Variants in SMARCC1 observed in about 807,000 individuals in gnomAD.
SMARCC1 encodes the protein SWI/SNF related BAF chromatin remodeling complex subunit C1, also known as SWI/SNF complex subunit SMARCC1.
In SMARCC1, 43 loss-of-function variants were observed where a neutral mutation model predicts 147.4. The ratio of observed to expected loss-of-function variants is 0.29; its 90% CI spans 0.23 to 0.38. SMARCC1 has a LOEUF of 0.38. Among genes scored for constraint, SMARCC1 ranks in the 10% least tolerant of loss-of-function variants. The pLI, the probability that SMARCC1 is intolerant of heterozygous loss-of-function variation, is 1.00. For synonymous variants in SMARCC1, 495 were observed against 484.4 expected (o/e 1.02, Z -0.29); for missense variants, 1,119 against 1,381.1 (o/e 0.81, Z 3.01).
chr3:47,604,842 G>A (rs1380504423), intron 26 of SMARCC1, among the ~76,000 whole-genome samples: 4 of 152,112 alleles, frequency 2.6e-5, no homozygotes, highest in Middle Eastern at 3.4e-3. Context: ...GGAATTACAG[G>A]TGTGTGCCAC....
chr3:47,701,402 G>A lies in SMARCC1; in HGVS notation c.1041C>T (p.Gly347=), dbSNP rs1411693231. Residue 347 remains glycine, a splice_region_variant and synonymous_variant, in exon 11 of 28, where the codon GGC becomes GGT. Coordinates refer to ENST00000254480, the MANE Select transcript of SMARCC1 (RefSeq NM_003074.4). ...TESRKKSGKK[G]QASLYGKRRS... ...TGCGCTTCCCATAAAGGCTAGCTTG[G>A]CTAAAACATACAAGTATATGAAATA... 6.2e-7 allele frequency: 1 copy of A among 1,613,216 alleles called. No individual in the cohort carries two copies. The highest frequency in any genetic ancestry group is 8.5e-7 in the Non-Finnish European group (1 of 1,179,426).
chr3:47,593,651 T>A (rs532929712), intron 26 of SMARCC1, among the ~76,000 whole-genome samples: 1 of 152,238 alleles, frequency 6.6e-6, no homozygotes, highest in Non-Finnish European at 1.5e-5. Context: ...CTTGAAAAAT[T>A]TGGAGATTGG....
At chr3:47,631,063 AAAGC>A (rs926399027) in intron 24 of SMARCC1, among the ~76,000 whole-genome samples, 4 of 152,044 alleles carry the variant, frequency 2.6e-5, no homozygotes, top group African/African-American at 9.7e-5. Context: ...AGACCCTGAC[AAAGC>A]AAGCAAGCAA....
chr3:47,730,254 G>C lies in SMARCC1; in HGVS notation c.577-1160C>G, dbSNP rs190288390. Among the ~76,000 whole-genome samples the C allele has an allele frequency of 3.9e-5, 6 of 152,278 alleles. No individual in the cohort carries two copies. In the East Asian group the frequency reaches 1.2e-3, roughly 29 times the overall value. On this transcript the variant is annotated intron_variant, in intron 5 of 27. Transcript: ENST00000254480. ...TGTAATCCCAGCACTTTGGAAGGCT[G>C]AAGTGAAAGGATCACTTGAGCCTAG...
chr3:47,746,069 A>G (rs1460246395), intron 2 of SMARCC1, 76 bp from the exon 3 acceptor site: 1 of 866,182 alleles, frequency 1.2e-6, no homozygotes, highest in African/African-American at 1.7e-5. Context: ...TCTAAGTTTT[A>G]TAAATTCAAA....
chr3:47,593,879 A>G (rs2032225629), intron 26 of SMARCC1, among the ~76,000 whole-genome samples: 1 of 152,076 alleles, frequency 6.6e-6, no homozygotes, highest in Non-Finnish European at 1.5e-5. Flanking sequence ...AATTAGGAAT[A>G]AGGGGCTGGG....
At chr3:47,624,183 C>G (rs940334878) in intron 24 of SMARCC1, among the ~76,000 whole-genome samples, 2 of 151,872 alleles carry the variant, frequency 1.3e-5, no homozygotes, top group South Asian at 4.2e-4. Flanking sequence ...CCCAGCTACT[C>G]GGGAGGCTGA....
intron 1 of SMARCC1, among the ~76,000 whole-genome samples, chr3:47,773,398 TCTC>T (rs1045139773): frequency 6.9e-6 from 1 of 145,012 alleles, no homozygotes; most frequent in Non-Finnish European, 1.5e-5. Flanking sequence ...CAAAGATAAA[TCTC>T]CTGTGTTTTT....
At chr3:47,743,535 C>T (rs1383362369) in intron 3 of SMARCC1, among the ~76,000 whole-genome samples, 4 of 151,894 alleles carry the variant, frequency 2.6e-5, no homozygotes, top group African/African-American at 4.8e-5. Context: ...TCACTGTGGC[C>T]GGGCATGGTG....
At chr3:47,700,736 G>A (rs2033907779) in intron 11 of SMARCC1, among the ~76,000 whole-genome samples, 2 of 152,140 alleles carry the variant, frequency 1.3e-5, no homozygotes. Context: ...CATTGGCCAG[G>A]CTGGTCTTGA....
chr3:47,663,668 C>T (rs559657866), intron 19 of SMARCC1: 2 of 1,504,634 alleles, frequency 1.3e-6, no homozygotes, highest in East Asian at 4.5e-5. Flanking sequence ...ATCGAAGCCC[C>T]CAGTCATTGA....
intron 21 of SMARCC1, among the ~76,000 whole-genome samples, chr3:47,652,224 C>T (rs927036848): frequency 1.3e-5 from 2 of 152,118 alleles, no homozygotes; most frequent in Admixed American, 6.5e-5. Flanking sequence ...AATTCTCCTG[C>T]CTGCCAAAAT....
intron 26 of SMARCC1, among the ~76,000 whole-genome samples, chr3:47,596,374 C>A (rs2032282207): frequency 6.6e-6 from 1 of 152,012 alleles, no homozygotes; most frequent in South Asian, 2.1e-4. Context: ...TCAAGACCAG[C>A]CCGGCCAAGA....
intron 7 of SMARCC1, among the ~76,000 whole-genome samples, chr3:47,718,372 G>A (rs1282812247): frequency 1.3e-5 from 2 of 151,670 alleles, no homozygotes; most frequent in Non-Finnish European, 2.9e-5. Flanking sequence ...TAGAACCAGG[G>A]AGGCGGAGCT....
chr3:47,686,061 A>T lies in SMARCC1; in HGVS notation c.1373T>A (p.Phe458Tyr). Reference sequence around the variant, plus strand: ...GTGGTCCACTCACCAGTTATAATCAAACCATGATGCATAACTAGGAATAAT... The same window carrying T: ...GTGGTCCACTCACCAGTTATAATCATACCATGATGCATAACTAGGAATAAT... Reference protein sequence around the residue: ...HIIIPSYASWFDYNCIHVIER... With the variant: ...HIIIPSYASWYDYNCIHVIER... The change falls in exon 14 of 28, where the codon TTT becomes TAT. Residue 458 changes from phenylalanine to tyrosine, a missense_variant. Phe to Tyr is a conservative substitution (Grantham distance 22). Coordinates refer to ENST00000254480, the MANE Select transcript of SMARCC1 (RefSeq NM_003074.4). 1 of 1,613,324 alleles carries T rather than the reference A, an allele frequency of 6.2e-7. No individual in the cohort carries two copies. The highest frequency in any genetic ancestry group is 8.5e-7 in the Non-Finnish European group (1 of 1,179,390).
At chr3:47,751,840 T>C (rs920066236) in intron 2 of SMARCC1, among the ~76,000 whole-genome samples, 1 of 151,928 alleles carries the variant, frequency 6.6e-6, no homozygotes, top group African/African-American at 2.4e-5. Flanking sequence ...TCCTAGCACT[T>C]TGGGAGGCAG....
chr3:47,716,415 C>CACA (rs2034156781), intron 7 of SMARCC1, among the ~76,000 whole-genome samples: 1 of 51,946 alleles, frequency 1.9e-5, no homozygotes. Flanking sequence ...GACTCCATCT[C>CACA]AAAAAAAAAA....
intron 8 of SMARCC1, among the ~76,000 whole-genome samples, chr3:47,712,777 A>G (rs2034104123): frequency 6.6e-6 from 1 of 152,156 alleles, no homozygotes; most frequent in African/African-American, 2.4e-5. Flanking sequence ...TCATGTCAAA[A>G]TAATACAAAA....
intron 2 of SMARCC1, 82 bp from the exon 3 acceptor site, chr3:47,746,075 T>G: frequency 1.2e-6 from 1 of 844,926 alleles, no homozygotes; most frequent in Non-Finnish European, 1.9e-6. Flanking sequence ...TTTTATAAAT[T>G]CAAATATATA....
Sources: gnomAD v4.1 joint callset for allele counts (sites outside exome capture counted in the v4.1 genomes callset) on GRCh38, gnomAD v4.1.1 for gene constraint, MANE v1.5 for transcripts, NCBI Gene and HGNC (gene_info 2026-07-23, HGNC 2026-07-21) for gene names.